NEGR1: variants seen among roughly 807,000 people sequenced by gnomAD.
The protein encoded by NEGR1 is neuronal growth regulator 1.
Under a neutral mutation model 40.9 loss-of-function variants are expected in NEGR1, and 10 were observed. That is an observed-to-expected ratio of 0.24 (90% confidence interval 0.15 to 0.42). The LOEUF is 0.42. NEGR1 is among the 10% of genes least tolerant of loss of function. NEGR1 has a pLI of 1.00. For synonymous variants in NEGR1, 185 were observed against 166.8 expected, an observed-to-expected ratio of 1.11 and a Z score of -0.84; for missense variants, 352 against 438.9, an observed-to-expected ratio of 0.80 and a Z score of 1.77.
At chr1:72,088,686 T>C (rs1241971991) in intron 1 of NEGR1, among the ~76,000 whole-genome samples, 1 of 152,124 alleles carries the variant, frequency 6.6e-6, no homozygotes, top group Non-Finnish European at 1.5e-5. Context: ...CCTTCGAATT[T>C]ATATACAGTT....
At chr1:71,772,091 T>C (rs1315550729) in intron 3 of NEGR1, among the ~76,000 whole-genome samples, 1 of 152,204 alleles carries the variant, frequency 6.6e-6, no homozygotes, top group Non-Finnish European at 1.5e-5. Context: ...GAATATTATG[T>C]GACTCCGGAT....
intron 6 of NEGR1, among the ~76,000 whole-genome samples, chr1:71,440,586 A>T (rs1021981104): frequency 2.0e-5 from 3 of 152,192 alleles, no homozygotes; most frequent in African/African-American, 7.2e-5. Flanking sequence ...GATACTACTG[A>T]TTCCTTTAGA....
intron 2 of NEGR1, among the ~76,000 whole-genome samples, chr1:71,840,271 G>C (rs894084640): frequency 6.6e-6 from 1 of 152,028 alleles, no homozygotes; most frequent in South Asian, 2.1e-4. Context: ...GCTTAGAATT[G>C]TGCTGCCATA....
chr1:71,431,566 CCATTCATT>C (rs66558619), intron 6 of NEGR1, among the ~76,000 whole-genome samples: 26 of 119,172 alleles, frequency 2.2e-4, no homozygotes, highest in Admixed American at 1.7e-3. Flanking sequence ...ATCTGTTTAT[CCATTCATT>C]CATTCATTCA....
At chr1:71,561,927 G>T in intron 6 of NEGR1, among the ~76,000 whole-genome samples, 1 of 48,196 alleles carries the variant, frequency 2.1e-5, no homozygotes, top group Admixed American at 4.7e-4. Context: ...TTTTGCTAGA[G>T]CTTTTTTTTT....
chr1:71,951,407 T>C (rs1456972020), intron 1 of NEGR1, among the ~76,000 whole-genome samples: 9 of 151,920 alleles, frequency 5.9e-5, no homozygotes, highest in African/African-American at 1.9e-4. Context: ...TCGAGTTTTG[T>C]ATTTACACAG....
chr1:71,735,731 G>C (rs1295197972), intron 3 of NEGR1, among the ~76,000 whole-genome samples: 1 of 151,850 alleles, frequency 6.6e-6, no homozygotes, highest in Non-Finnish European at 1.5e-5. Context: ...ACGTGCAATA[G>C]ATAAAATATA....
chr1:72,195,827 T>C (rs558786565), intron 1 of NEGR1, among the ~76,000 whole-genome samples: 11 of 152,146 alleles, frequency 7.2e-5, no homozygotes, highest in Non-Finnish European at 1.0e-4. Context: ...GTGTTATATA[T>C]AGTGTACTAA....
chr1:71,759,449 C>T (rs570513124), intron 3 of NEGR1, among the ~76,000 whole-genome samples: 4 of 150,938 alleles, frequency 2.7e-5, no homozygotes, highest in Middle Eastern at 3.5e-3. Flanking sequence ...AGGCGCATGC[C>T]GCCATGCCTG....
intron 1 of NEGR1, among the ~76,000 whole-genome samples, chr1:72,162,043 G>C (rs923175734): frequency 5.3e-5 from 8 of 152,012 alleles, no homozygotes; most frequent in African/African-American, 1.9e-4. Context: ...TACAGATTGG[G>C]TGTGGTTGTG....
At chr1:72,165,443 G>A (rs1212053266) in intron 1 of NEGR1, among the ~76,000 whole-genome samples, 2 of 152,026 alleles carry the variant, frequency 1.3e-5, no homozygotes, top group African/African-American at 4.8e-5. Context: ...TTCTACTGAA[G>A]CTATGACACC....
At chr1:71,437,520 G>A (rs1646517587) in intron 6 of NEGR1, among the ~76,000 whole-genome samples, 1 of 151,760 alleles carries the variant, frequency 6.6e-6, no homozygotes, top group Admixed American at 6.6e-5. Flanking sequence ...AATTAATGGT[G>A]CTAAAAAAAA....
At chr1:72,072,957 G>T (rs1289651998) in intron 1 of NEGR1, among the ~76,000 whole-genome samples, 1 of 152,014 alleles carries the variant, frequency 6.6e-6, no homozygotes, top group Non-Finnish European at 1.5e-5. Flanking sequence ...TATAAATTTT[G>T]GTTTAGCTGC....
chr1:71,469,336 T>C (rs1213938945), intron 6 of NEGR1, among the ~76,000 whole-genome samples: 5 of 152,030 alleles, frequency 3.3e-5, no homozygotes, highest in Non-Finnish European at 7.4e-5. Context: ...ATTTGTAAAA[T>C]AGAGCGCACC....
At chr1:71,620,605 G>A (rs1650579538) in intron 4 of NEGR1, among the ~76,000 whole-genome samples, 1 of 151,908 alleles carries the variant, frequency 6.6e-6, no homozygotes, top group South Asian at 2.1e-4. Context: ...AAGCAAATAT[G>A]TCTTCGCCTA....
intron 2 of NEGR1, among the ~76,000 whole-genome samples, chr1:71,924,928 G>A (rs1645758283): frequency 6.6e-6 from 1 of 150,726 alleles, no homozygotes; most frequent in Non-Finnish European, 1.5e-5. Context: ...ACGGTCTTAT[G>A]TGTCCTAAAG....
chr1:71,803,665 C>A (rs1657644000), intron 2 of NEGR1, among the ~76,000 whole-genome samples: 1 of 152,070 alleles, frequency 6.6e-6, no homozygotes, highest in Admixed American at 6.6e-5. Flanking sequence ...CAAATATAAC[C>A]TTGTCAAAAA....
intron 4 of NEGR1, among the ~76,000 whole-genome samples, chr1:71,618,297 C>T (rs1252713099): frequency 2.0e-5 from 3 of 152,176 alleles, no homozygotes; most frequent in Non-Finnish European, 2.9e-5. Context: ...TGACTTTGTC[C>T]CTGCCAGAAA....
chr1:71,457,952 T>C (rs953476058), intron 6 of NEGR1, among the ~76,000 whole-genome samples: 26 of 152,310 alleles, frequency 1.7e-4, no homozygotes, highest in African/African-American at 6.3e-4. Context: ...TCCGCCCACC[T>C]TGGCCTCCCA....
Sources: allele counts gnomAD v4.1 joint callset (sites outside exome capture counted in the v4.1 genomes callset), GRCh38; gene constraint gnomAD v4.1.1; transcripts MANE v1.5; gene names NCBI Gene and HGNC (gene_info 2026-07-23, HGNC 2026-07-21).